PACS1: variants seen among roughly 807,000 people sequenced by gnomAD.
PACS1 encodes the protein phosphofurin acidic cluster sorting protein 1, also known as PACS-1.
A neutral mutation model predicts 115.0 loss-of-function variants in PACS1; 24 were observed. The ratio of observed to expected loss-of-function variants is 0.21; its 90% CI spans 0.15 to 0.29. The LOEUF is 0.29. Ranked by LOEUF, PACS1 falls within the 10% of genes least tolerant of loss-of-function variation. The pLI, the probability that PACS1 is intolerant of heterozygous loss-of-function variation, is 1.00. For synonymous variants in PACS1, 453 were observed against 504.5 expected (o/e 0.90, Z 1.37); for missense variants, 838 against 1,251.2 (o/e 0.67, Z 4.98).
chr11:66,070,608 C>G lies in PACS1; in HGVS notation c.122C>G (p.Pro41Arg). The G allele has an allele frequency of 6.6e-7, 1 of 1,525,642 alleles. No individual in the cohort carries two copies. Among genetic ancestry groups the G allele is most frequent in the Non-Finnish European group, 8.7e-7 (1 of 1,144,534 alleles). The allele number at this position is 1,525,642 out of a possible 1,614,324, so 94.5% of individuals were successfully genotyped here. Residue 41 changes from proline (P) to arginine (R), a missense_variant, in exon 1 of 24, where the codon CCG becomes CGG. Transcript: ENST00000320580. This position sits in a 1 kb window ranked among gnomAD's most constrained non-coding sequence, Gnocchi z 5.9. ...QPPPQQQQQQ[P>R]PQQPTPPKLA... ...CCGCCGCAGCAGCAGCAGCAGCAGC[C>G]GCCGCAGCAGCCGACGCCCCCCAAG...
intron 2 of PACS1, among the ~76,000 whole-genome samples, chr11:66,201,566 C>G (rs971386045): frequency 6.6e-6 from 1 of 151,146 alleles, no homozygotes; most frequent in African/African-American, 2.4e-5. Flanking sequence ...CAAACCAAAC[C>G]CAAAATTAGT....
chr11:66,078,979 C>G (rs1241168934), intron 1 of PACS1, among the ~76,000 whole-genome samples: 1 of 152,232 alleles, frequency 6.6e-6, no homozygotes, highest in African/African-American at 2.4e-5. Flanking sequence ...GCTATCTTGG[C>G]TCACTGCAAC....
At chr11:66,201,870 G>A (rs959626990) in intron 2 of PACS1, among the ~76,000 whole-genome samples, 1 of 152,054 alleles carries the variant, frequency 6.6e-6, no homozygotes, top group South Asian at 2.1e-4. Context: ...TATTGGCCAG[G>A]CTGGTCTTGA....
chr11:66,140,321 A>G (rs1259204455), intron 1 of PACS1, among the ~76,000 whole-genome samples: 2 of 152,196 alleles, frequency 1.3e-5, no homozygotes, highest in Non-Finnish European at 2.9e-5. Flanking sequence ...TTTTCCTAAC[A>G]TATGAGAGTT....
chr11:66,154,927 G>A (rs1260082035), intron 1 of PACS1, among the ~76,000 whole-genome samples: 2 of 152,120 alleles, frequency 1.3e-5, no homozygotes, highest in African/African-American at 2.4e-5. Flanking sequence ...CTGTGATACT[G>A]GCAAAATAAT....
chr11:66,091,751 T>C (rs1304362876), intron 1 of PACS1, among the ~76,000 whole-genome samples: 4 of 150,646 alleles, frequency 2.7e-5, no homozygotes, highest in Non-Finnish European at 5.9e-5. Context: ...AGTTCCCACC[T>C]ATGAGCGAGA....
At chr11:66,136,488 C>G (rs1223322527) in intron 1 of PACS1, among the ~76,000 whole-genome samples, 1 of 152,086 alleles carries the variant, frequency 6.6e-6, no homozygotes, top group Non-Finnish European at 1.5e-5. Context: ...AGCACCATGG[C>G]TTTCAGTCTT....
intron 2 of PACS1, among the ~76,000 whole-genome samples, chr11:66,196,172 G>A (rs1255710261): frequency 1.3e-5 from 2 of 152,190 alleles, no homozygotes; most frequent in African/African-American, 2.4e-5. Context: ...GCTGGAATGA[G>A]CTGTTTGTGC....
At chr11:66,175,662 G>A (rs933536276) in intron 1 of PACS1, among the ~76,000 whole-genome samples, 2 of 152,260 alleles carry the variant, frequency 1.3e-5, no homozygotes, top group Admixed American at 6.5e-5. Context: ...TGTGCTTATC[G>A]CTTCCCATAC....
Position 66,233,994 on chromosome 11 carries a change from G to A in PACS1, c.1993+55G>A. 1 of 1,568,504 alleles carries A rather than the reference G, an allele frequency of 6.4e-7. No individual in the cohort carries two copies. On this transcript the variant is annotated intron_variant, in intron 16 of 23. Transcript: ENST00000320580. The surrounding 1 kb of genome is among the most constrained non-coding windows in gnomAD (Gnocchi z 4.5). ...GGGCATGAGGGTTCCATAGACAGATGCCTCATCTGGAACAGGACGGTGGGG... is the reference window on the plus strand; with the variant it reads ...GGGCATGAGGGTTCCATAGACAGATACCTCATCTGGAACAGGACGGTGGGG...
At chr11:66,154,464 T>G (rs1859310326) in intron 1 of PACS1, among the ~76,000 whole-genome samples, 2 of 152,070 alleles carry the variant, frequency 1.3e-5, no homozygotes. Flanking sequence ...GAGAGGCTAC[T>G]AGGACTGGTA....
chr11:66,240,160 G>A (rs1333269390), intron 21 of PACS1, among the ~76,000 whole-genome samples: 1 of 152,260 alleles, frequency 6.6e-6, no homozygotes, highest in African/African-American at 2.4e-5. Context: ...TGAGGCGCTA[G>A]AGCTGGAGCC....
At chr11:66,109,779 CCTCAT>C (rs1488405632) in intron 1 of PACS1, among the ~76,000 whole-genome samples, 1 of 152,198 alleles carries the variant, frequency 6.6e-6, no homozygotes, top group Admixed American at 6.5e-5. Context: ...AGTTCTCTCT[CCTCAT>C]CTCCTCGCTT....
intron 1 of PACS1, among the ~76,000 whole-genome samples, chr11:66,090,623 A>G (rs1857645090): frequency 6.6e-6 from 1 of 152,132 alleles, no homozygotes; most frequent in South Asian, 2.1e-4. Flanking sequence ...CAACAAGAGC[A>G]CTGATCTGTT....
intron 1 of PACS1, among the ~76,000 whole-genome samples, chr11:66,094,142 A>G: frequency 1.3e-5 from 2 of 150,566 alleles, no homozygotes; most frequent in African/African-American, 4.9e-5. Flanking sequence ...AAGAACTAGA[A>G]AAGCAAGAGC....
intron 11 of PACS1, among the ~76,000 whole-genome samples, chr11:66,229,147 A>G (rs1855527637): frequency 7.0e-6 from 1 of 143,156 alleles, no homozygotes; most frequent in African/African-American, 2.6e-5. Context: ...AGGCTGAGGC[A>G]GGCACATTGT....
At chr11:66,231,947 T>C in intron 13 of PACS1, 2 of 469,240 alleles carry the variant, frequency 4.3e-6, no homozygotes, top group Non-Finnish European at 7.7e-6. Flanking sequence ...GCTGTGGCTT[T>C]GTTCCTCATC....
chr11:66,210,469 T>C lies in PACS1; in HGVS notation c.534+18T>C. ...CCCTTCAGGTGAGACTCTCCTAATC[T>C]TAGGCCCCTAACATGCTATATCCTG... On this transcript the variant is annotated intron_variant, in intron 3 of 23. Coordinates refer to ENST00000320580, the MANE Select transcript of PACS1 (RefSeq NM_018026.4). The C allele has an allele frequency of 6.4e-7, 1 of 1,550,692 alleles. No individual in the cohort carries two copies. Among genetic ancestry groups the C allele is most frequent in the South Asian group, 1.1e-5 (1 of 89,842 alleles).
intron 1 of PACS1, among the ~76,000 whole-genome samples, chr11:66,078,885 G>C (rs1462910751): frequency 3.3e-5 from 5 of 152,180 alleles, no homozygotes; most frequent in African/African-American, 1.2e-4. Context: ...ATATAGGAAG[G>C]CGTTTTTTCT....
Sources: gnomAD v4.1 joint callset for allele counts (sites outside exome capture counted in the v4.1 genomes callset) on GRCh38, gnomAD v4.1.1 for gene constraint, Gnocchi (gnomAD v3.1) non-coding constraint, MANE v1.5 for transcripts, NCBI Gene and HGNC (gene_info 2026-07-23, HGNC 2026-07-21) for gene names.